The following IL17REL variants were observed in gnomAD, a reference collection of about 807,000 sequenced individuals.
IL17REL encodes interleukin-17 receptor E-like protein.
A neutral mutation model predicts 49.0 loss-of-function variants in IL17REL; 36 were observed. That is an observed-to-expected ratio of 0.73 (90% CI 0.56 to 0.97). The LOEUF is 0.97. Among genes scored for constraint, IL17REL ranks in the 50% least tolerant of loss-of-function variants. The pLI, the probability that IL17REL is intolerant of heterozygous loss-of-function variation, is 0.00. For missense variants in IL17REL, 470 were observed against 453.9 expected, an observed-to-expected ratio of 1.04 and a Z score of -0.32; for synonymous variants, 206 against 192.4, an observed-to-expected ratio of 1.07 and a Z score of -0.58.
intron 4 of IL17REL, 106 bp from the exon 6 acceptor site, chr22:50,000,346 C>A: frequency 1.4e-6 from 1 of 726,746 alleles, no homozygotes; most frequent in African/African-American, 1.8e-5. Flanking sequence ...CATGCGACCT[C>A]GAATTAAGCC....
exon 8 of IL17REL, chr22:49,998,194 C>T (rs749222518): frequency 5.0e-6 from 8 of 1,611,276 alleles, no homozygotes; most frequent in African/African-American, 2.7e-5. Flanking sequence ...CCCCCGGCCC[C>T]GGGCGCCAGC....
At chr22:49,997,535 C>T in intron 10 of IL17REL, 52 bp from the exon 13 acceptor site, 2 of 1,329,204 alleles carry the variant, frequency 1.5e-6, no homozygotes, top group Admixed American at 1.9e-5. Flanking sequence ...CCCACCGCCT[C>T]CCTTCCTTCC....
intron 1 of IL17REL, among the ~76,000 whole-genome samples, chr22:50,004,743 C>A (rs2061099382): frequency 6.6e-6 from 1 of 151,412 alleles, no homozygotes; most frequent in African/African-American, 2.4e-5. Flanking sequence ...CACCTGTAGT[C>A]CTAGCTACTC....
downstream of IL17REL, among the ~76,000 whole-genome samples, chr22:49,992,195 G>A (rs2061009980): frequency 6.6e-6 from 1 of 152,130 alleles, no homozygotes; most frequent in East Asian, 1.9e-4. Flanking sequence ...TTGTCCACAA[G>A]GAGCTGAGGC....
chr22:50,003,349 T>C (rs1470352831), intron 1 of IL17REL, among the ~76,000 whole-genome samples: 1 of 151,778 alleles, frequency 6.6e-6, no homozygotes, highest in Non-Finnish European at 1.5e-5. Context: ...TGGTAAAACC[T>C]GTCTCTACTA....
At chr22:50,008,465 A>C (rs537463613) in intron 1 of IL17REL, among the ~76,000 whole-genome samples, 172 bp downstream of exon 2, 1 of 152,180 alleles carries the variant, frequency 6.6e-6, no homozygotes, top group Non-Finnish European at 1.5e-5. Context: ...GGGTGTGGCC[A>C]GGGTCCCACA....
chr22:50,001,218 G>T (rs769646106), exon 2 of IL17REL: 1 of 1,428,960 alleles, frequency 7.0e-7, no homozygotes, highest in South Asian at 1.2e-5. Flanking sequence ...GGCAGAAGCT[G>T]TTAAAAATGT....
At chr22:49,999,299 A>G (rs1242081926) in exon 7 of IL17REL, 1 of 1,612,902 alleles carries the variant, frequency 6.2e-7, no homozygotes, top group Non-Finnish European at 8.5e-7. Context: ...GCCGTTTTCA[A>G]AGGGGCAGAT....
intron 4 of IL17REL, 69 bp from the exon 7 acceptor site, chr22:50,000,036 G>A (rs1379558025): frequency 6.5e-6 from 9 of 1,386,580 alleles, no homozygotes; most frequent in Middle Eastern, 2.4e-4. Context: ...TGTCTGTCCC[G>A]AGAGCCCCGA....
At chr22:50,004,422 G>A (rs902234145) in intron 1 of IL17REL, among the ~76,000 whole-genome samples, 2 of 152,188 alleles carry the variant, frequency 1.3e-5, no homozygotes, top group African/African-American at 4.8e-5. Context: ...GGGATAAAAA[G>A]CCAGGCTGTG....
At chr22:50,001,603 G>GAACAGCAGAAAA (rs1480266812) in intron 1 of IL17REL, among the ~76,000 whole-genome samples, 6 of 152,214 alleles carry the variant, frequency 3.9e-5, no homozygotes, top group Admixed American at 1.3e-4. Context: ...AGGCCAACAC[G>GAACAGCAGAAAA]GGCTTGCTGG....
At position 49,998,071 on chromosome 22, in the gene IL17REL, T is replaced by C. The variant is rs1389682638; in HGVS notation, c.775-2A>G. 2 of 1,593,548 alleles carry C rather than the reference T, an allele frequency of 1.3e-6. No individual in the cohort carries two copies. The highest frequency in any genetic ancestry group is 1.7e-6 in the Non-Finnish European group (2 of 1,173,190). On this transcript the variant is annotated splice_acceptor_variant, in intron 8 of 12. Coordinates refer to ENST00000341280, the Ensembl canonical transcript of IL17REL. LOFTEE classifies it high-confidence loss of function. ...GGTGTCCACCAGCGGGTACTGCACC[T>C]GAGGAGGGCTGGGGTCAGGCTGTGG...
chr22:50,010,155 C>G (rs2061131229), upstream of IL17REL, among the ~76,000 whole-genome samples: 1 of 152,258 alleles, frequency 6.6e-6, no homozygotes, highest in African/African-American at 2.4e-5. Context: ...TGACCCTCCT[C>G]CGCCTGCCAT....
chr22:50,001,251 G>T lies in IL17REL; in HGVS notation c.-41-20C>A. 3 of 1,084,186 alleles carry T rather than the reference G, an allele frequency of 2.8e-6. No homozygotes were observed. Among genetic ancestry groups the T allele is most frequent in the Non-Finnish European group, 4.1e-6 (3 of 727,590 alleles). 67.2% of individuals were successfully genotyped at this position (1,084,186 alleles called of 1,614,324 possible). A position where few individuals can be genotyped will look rare whatever the true frequency, so the allele number is the denominator to read the frequency against. ...TGTTCCCTGGGGAGGGAGAAGGAGC[G>T]TGAGGCCTCGAGTTCCCTGGTGCTC... On this transcript the variant is annotated intron_variant, in intron 1 of 12. Coordinates refer to ENST00000341280, the Ensembl canonical transcript of IL17REL.
At chr22:49,998,446 G>C (rs2061051087) in intron 7 of IL17REL, 137 bp from the exon 10 acceptor site, 1 of 794,478 alleles carries the variant, frequency 1.3e-6, no homozygotes, top group African/African-American at 1.7e-5. Context: ...CCTGGCTCAA[G>C]GCTGTGCACG....
At chr22:50,011,913 A>G (rs2061143381), upstream of IL17REL, among the ~76,000 whole-genome samples, 1 of 152,192 alleles carries the variant, frequency 6.6e-6, no homozygotes, top group Admixed American at 6.5e-5. Flanking sequence ...GGAACGGTGC[A>G]CCCAGCAGGT....
At chr22:49,999,113 C>CAT (rs71196391) in intron 7 of IL17REL, among the ~76,000 whole-genome samples, 178 bp downstream of exon 9, 1 of 151,946 alleles carries the variant, frequency 6.6e-6, no homozygotes, top group Non-Finnish European at 1.5e-5. Context: ...CACACACACA[C>CAT]TTATGCACAT....
intron 1 of IL17REL, among the ~76,000 whole-genome samples, chr22:50,005,087 T>C (rs1305074287): frequency 3.3e-5 from 5 of 151,188 alleles, no homozygotes; most frequent in African/African-American, 1.2e-4. Context: ...AAGCTGCTCA[T>C]TGTGAAATAA....
chr22:49,997,058 G>A (rs372842483), exon 12 of IL17REL: 1 of 1,566,260 alleles, frequency 6.4e-7, no homozygotes, highest in Non-Finnish European at 8.6e-7. Context: ...AAAAGCAGGG[G>A]CGGCTGCCAG....
Sources: allele counts gnomAD v4.1 joint callset (sites outside exome capture counted in the v4.1 genomes callset), GRCh38; gene constraint gnomAD v4.1.1; transcripts MANE v1.5; gene names NCBI Gene and HGNC (gene_info 2026-07-23, HGNC 2026-07-21).